Variants in DCC observed in about 807,000 individuals in gnomAD.
DCC encodes the protein DCC netrin 1 receptor.
DCC carries 58 observed loss-of-function variants against 172.5 expected under a neutral mutation model. The ratio of observed to expected loss-of-function variants is 0.34; its 90% CI spans 0.27 to 0.42. The LOEUF (loss-of-function observed/expected upper bound fraction) is 0.42. Among genes scored for constraint, DCC ranks in the 10% least tolerant of loss-of-function variants. The pLI is 1.00. For missense variants in DCC, 1,740 were observed against 1,791.0 expected, an observed-to-expected ratio of 0.97 and a Z score of 0.51; for synonymous variants, 709 against 644.5, an observed-to-expected ratio of 1.10 and a Z score of -1.52.
chr18:52,812,636 T>A (rs2038223586), intron 2 of DCC, among the ~76,000 whole-genome samples: 2 of 152,234 alleles, frequency 1.3e-5, no homozygotes, highest in African/African-American at 4.8e-5. Context: ...AGATACTATT[T>A]ATTTTCAAAG....
intron 12 of DCC, among the ~76,000 whole-genome samples, chr18:53,240,040 A>AC (rs1568385329): frequency 1.4e-5 from 2 of 142,408 alleles, no homozygotes; most frequent in East Asian, 4.4e-4. Flanking sequence ...AAAAAAAAAA[A>AC]AAAAAAAAAA....
intron 1 of DCC, among the ~76,000 whole-genome samples, chr18:52,484,311 C>T (rs747395043): frequency 1.8e-4 from 27 of 152,046 alleles, no homozygotes; most frequent in Non-Finnish European, 2.4e-4. Context: ...GAGACATTTG[C>T]TTTTGGTTGG....
chr18:53,048,435 G>T (rs1045114372), intron 5 of DCC, among the ~76,000 whole-genome samples: 1 of 150,434 alleles, frequency 6.6e-6, no homozygotes, highest in Non-Finnish European at 1.5e-5. Context: ...CTCCATCCAC[G>T]TTGCTTTAGA....
chr18:53,258,912 G>A (rs1214259378), intron 12 of DCC, among the ~76,000 whole-genome samples: 2 of 152,102 alleles, frequency 1.3e-5, no homozygotes, highest in Non-Finnish European at 2.9e-5. Context: ...GTGCATATAT[G>A]TTTAGGTTAG....
intron 2 of DCC, among the ~76,000 whole-genome samples, chr18:52,877,278 A>G (rs2039417856): frequency 6.6e-6 from 1 of 152,300 alleles, no homozygotes; most frequent in South Asian, 2.1e-4. Context: ...CCTTGTTGTC[A>G]CAACTGAAAG....
rs1259575003 is a variant in DCC, at chr18:53,532,666, C to A, written c.*2013C>A. 7 of 152,120 alleles carry A rather than the reference C, an allele frequency of 4.6e-5. No individual in the cohort carries two copies. Among genetic ancestry groups the A allele is most frequent in the Non-Finnish European group, 1.0e-4 (7 of 68,022 alleles). The allele number at this position is 152,120 out of a possible 1,614,324, so 9.4% of individuals were successfully genotyped here. A position where few individuals can be genotyped will look rare whatever the true frequency, so the allele number is the denominator to read the frequency against. Reference sequence around the variant, plus strand: ...CTTCTCTAGGCCCTAAGAATTATTACCTCCCCTTTCTAATTCTAGCAAACA... The same window carrying A: ...CTTCTCTAGGCCCTAAGAATTATTAACTCCCCTTTCTAATTCTAGCAAACA... On this transcript the variant is annotated 3_prime_UTR_variant, in exon 29 of 29. Transcript: ENST00000442544.
chr18:53,288,231 A>G (rs1052905467), intron 12 of DCC, among the ~76,000 whole-genome samples: 1 of 152,180 alleles, frequency 6.6e-6, no homozygotes, highest in Non-Finnish European at 1.5e-5. Flanking sequence ...TTAAAGGATC[A>G]ACAAACCTTT....
At chr18:53,102,462 G>A (rs2043187852) in intron 7 of DCC, among the ~76,000 whole-genome samples, 1 of 151,926 alleles carries the variant, frequency 6.6e-6, no homozygotes, top group Non-Finnish European at 1.5e-5. Context: ...ACTCTGCAAG[G>A]GTGTCTATAT....
At chr18:53,335,856 A>G (rs1339241259) in intron 14 of DCC, among the ~76,000 whole-genome samples, 1 of 152,168 alleles carries the variant, frequency 6.6e-6, no homozygotes, top group African/African-American at 2.4e-5. Flanking sequence ...CACATCTCAC[A>G]TGGCGGCAGA....
intron 5 of DCC, among the ~76,000 whole-genome samples, chr18:52,993,346 T>A (rs914155688): frequency 3.3e-5 from 5 of 152,172 alleles, no homozygotes; most frequent in Non-Finnish European, 5.9e-5. Flanking sequence ...GGTACAATAA[T>A]GTGCTTGGCG....
intron 12 of DCC, among the ~76,000 whole-genome samples, chr18:53,299,824 T>C (rs914061016): frequency 2.0e-5 from 3 of 152,206 alleles, no homozygotes; most frequent in Admixed American, 6.5e-5. Context: ...CTGCCTATTG[T>C]TGGATACATG....
intron 2 of DCC, among the ~76,000 whole-genome samples, chr18:52,790,860 G>A (rs991948349): frequency 6.6e-6 from 1 of 152,280 alleles, no homozygotes; most frequent in Admixed American, 6.5e-5. Flanking sequence ...TCAAATATCT[G>A]AGTTAAATTT....
chr18:52,975,350 A>T (rs2041099810), intron 5 of DCC, among the ~76,000 whole-genome samples: 2 of 151,476 alleles, frequency 1.3e-5, no homozygotes, highest in Non-Finnish European at 1.5e-5. Context: ...TTGAATTAGG[A>T]CTCTACTCTT....
At chr18:52,777,770 G>GA (rs1555660215) in intron 2 of DCC, among the ~76,000 whole-genome samples, 8 of 138,694 alleles carry the variant, frequency 5.8e-5, no homozygotes, top group Non-Finnish European at 8.1e-5. Flanking sequence ...GATCTCCAGG[G>GA]AAAAAAAAAG....
At chr18:52,372,667 G>A (rs1225012388) in intron 1 of DCC, among the ~76,000 whole-genome samples, 1 of 152,166 alleles carries the variant, frequency 6.6e-6, no homozygotes, top group East Asian at 1.9e-4. Context: ...AGTTGTGAAT[G>A]GATGTGAGCA....
At chr18:53,351,400 T>TATATATATATATACA (rs2057803696) in intron 15 of DCC, among the ~76,000 whole-genome samples, 1 of 10,476 alleles carries the variant, frequency 9.5e-5, no homozygotes, top group African/African-American at 3.2e-4. Flanking sequence ...ATATATACAG[T>TATATATATATATACA]GTATATATAT....
At chr18:52,878,569 A>C (rs1388080083) in intron 2 of DCC, among the ~76,000 whole-genome samples, 1 of 152,214 alleles carries the variant, frequency 6.6e-6, no homozygotes, top group Non-Finnish European at 1.5e-5. Context: ...CCCATTTAAA[A>C]TTATTATGAC....
intron 1 of DCC, among the ~76,000 whole-genome samples, chr18:52,682,462 G>A (rs973015139): frequency 6.6e-5 from 10 of 152,052 alleles, no homozygotes; most frequent in Admixed American, 6.6e-4. Flanking sequence ...TTCCAGGAAC[G>A]TGAAGAAGAA....
In DCC at chr18:53,115,764, ACT is replaced by A. The variant is rs566572533; in HGVS notation, c.1262-41590_1262-41589del. Among the ~76,000 whole-genome samples the A allele has an allele frequency of 3.3e-5, 5 of 151,756 alleles. No individual in the cohort carries two copies. In the South Asian group the frequency reaches 1.0e-3, roughly 31 times the overall value. On this transcript the variant is annotated intron_variant, in intron 7 of 28. Transcript: ENST00000442544. ...TTTGGTTATTTGGCATTAAAAGTAA[ACT>A]CAACTTGAACAAAAATTTTTTTGTA... is the stretch of plus-strand genomic sequence containing the variant.
Sources: allele counts gnomAD v4.1 joint callset (sites outside exome capture counted in the v4.1 genomes callset), GRCh38; gene constraint gnomAD v4.1.1; transcripts MANE v1.5; gene names NCBI Gene and HGNC (gene_info 2026-07-23, HGNC 2026-07-21).